The following CORIN variants were observed in gnomAD, a reference collection of about 807,000 sequenced individuals.
The protein encoded by CORIN is corin, serine peptidase, also known as atrial natriuretic peptide-converting enzyme.
In CORIN, 117 loss-of-function variants were observed where a neutral mutation model predicts 125.3. That is an observed-to-expected ratio of 0.93 (90% CI 0.80 to 1.09). CORIN has a LOEUF of 1.09. CORIN is among the 50% of genes least tolerant of loss of function. CORIN has a pLI of 0.00. For missense variants in CORIN, 1,253 were observed against 1,306.7 expected (o/e 0.96, Z 0.63); for synonymous variants, 450 against 466.4 (o/e 0.96, Z 0.45).
At chr4:47,715,593 T>C (rs1278926654) in intron 5 of CORIN, among the ~76,000 whole-genome samples, 3 of 151,678 alleles carry the variant, frequency 2.0e-5, no homozygotes, top group African/African-American at 4.8e-5. Context: ...AGCAAGACTC[T>C]GTCTCCAAAA....
intron 5 of CORIN, among the ~76,000 whole-genome samples, chr4:47,711,111 A>C (rs1467188627): frequency 6.6e-6 from 1 of 152,176 alleles, no homozygotes; most frequent in Non-Finnish European, 1.5e-5. Context: ...TCCCACTGGC[A>C]GGGGTCTCAG....
intron 10 of CORIN, 59 bp downstream of exon 10, chr4:47,674,334 G>GA: frequency 8.5e-7 from 1 of 1,181,416 alleles, no homozygotes. Flanking sequence ...CAATGCAGAA[G>GA]AAAAATGCTG....
intron 1 of CORIN, among the ~76,000 whole-genome samples, chr4:47,819,249 A>C (rs570984471): frequency 1.3e-5 from 2 of 152,166 alleles, no homozygotes; most frequent in Non-Finnish European, 2.9e-5. Context: ...TGAACATGAA[A>C]GCATTCAGCA....
rs576458225 is a variant in CORIN at position 47,827,404 on chromosome 4, T to C, written c.63+10483A>G. Among the ~76,000 whole-genome samples the C allele has an allele frequency of 2.2e-4, 33 of 152,306 alleles. No homozygotes were observed. The South Asian group carries it at 6.6e-3, about 31-fold the overall frequency. On this transcript the variant is annotated intron_variant, in intron 1 of 21. Transcript: ENST00000273857. ...TTTCATTAAGTCCTCATTACAGCCTTGTAAGAGATGTATTATTCCAACTTT... is the reference window on the plus strand; with the variant it reads ...TTTCATTAAGTCCTCATTACAGCCTCGTAAGAGATGTATTATTCCAACTTT...
intron 10 of CORIN, among the ~76,000 whole-genome samples, chr4:47,671,601 T>C (rs1016511387): frequency 2.0e-5 from 3 of 152,214 alleles, no homozygotes; most frequent in African/African-American, 7.2e-5. Flanking sequence ...TATTTTTTTA[T>C]TGAGACGGAA....
chr4:47,605,791 T>C (rs1721625398), intron 19 of CORIN, among the ~76,000 whole-genome samples: 1 of 152,116 alleles, frequency 6.6e-6, no homozygotes. Flanking sequence ...CTAGGGAATC[T>C]TAGGCAAAAC....
Position 47,623,096 on chromosome 4 carries a change from C to CTCTCTCTCTCTATA in CORIN, c.2540+474_2540+475insTATAGAGAGAGAGA, listed in dbSNP as rs771867590. Among the ~76,000 whole-genome samples the CTCTCTCTCTCTATA allele has an allele frequency of 6.1e-3, 627 of 102,176 alleles. 5 individuals carry two copies. The highest frequency in any genetic ancestry group is 0.034 in the East Asian group (85 of 2,502). The allele number at this position is 102,176 out of a possible 152,430, so 67.0% of individuals were successfully genotyped here. On this transcript the variant is annotated intron_variant, in intron 19 of 21. Transcript: ENST00000273857. ...TCTCTCTCTCTCTCTCTCTCTCTCT[C>CTCTCTCTCTCTATA]TATATATATATATATATATATACAC...
intron 1 of CORIN, among the ~76,000 whole-genome samples, chr4:47,825,467 G>A (rs1170659956): frequency 6.6e-6 from 1 of 152,112 alleles, no homozygotes; most frequent in Non-Finnish European, 1.5e-5. Context: ...GATCCATGTT[G>A]GATCAGACCC....
At chr4:47,680,085 G>T in intron 8 of CORIN, 56 bp downstream of exon 8, 1 of 1,124,698 alleles carries the variant, frequency 8.9e-7, no homozygotes, top group East Asian at 2.4e-5. Context: ...CTTGAGTACA[G>T]CCTAAAGAAC....
In CORIN at chr4:47,632,942, G is replaced by A. The variant is rs1365863929; in HGVS notation, c.2199-6421C>T. ...ACTACAGGCTCATGCGACCACGCCC[G>A]GCTAATTTTTGTACTTTTTGGTGGA... On this transcript the variant is annotated intron_variant, in intron 16 of 21. Coordinates refer to ENST00000273857, the MANE Select transcript of CORIN (RefSeq NM_006587.4). Among the ~76,000 whole-genome samples, 3 of 152,040 alleles carry A rather than the reference G, an allele frequency of 2.0e-5. 1 individual carries two copies. Among genetic ancestry groups the A allele is most frequent in the South Asian group, 4.1e-4 (2 of 4,824 alleles).
Position 47,780,169 on chromosome 4 carries a change from T to TA in CORIN, c.409+6555dup, listed in dbSNP as rs946937211. On this transcript the variant is annotated intron_variant, in intron 3 of 21. Coordinates refer to ENST00000273857, the MANE Select transcript of CORIN (RefSeq NM_006587.4). ...ATTCTTGGATGGGAAAGATATTTTG[T>TA]AAAAAAAAAAAAGTAATAAAAACAA... 1.8e-3 allele frequency among the ~76,000 whole-genome samples: 254 copies of TA among 144,008 alleles called. 1 individual carries two copies. The highest frequency in any genetic ancestry group is 3.6e-3 in the Middle Eastern group (1 of 276). The allele number at this position is 144,008 out of a possible 152,430, so 94.5% of individuals were successfully genotyped here. A position where few individuals can be genotyped will look rare whatever the true frequency, so the allele number is the denominator to read the frequency against.
chr4:47,709,482 G>A (rs989406387), intron 5 of CORIN, among the ~76,000 whole-genome samples: 4 of 151,906 alleles, frequency 2.6e-5, no homozygotes, highest in South Asian at 2.1e-4. Flanking sequence ...TTGTAAAAAC[G>A]GGTTTTGCCA....
chr4:47,700,339 C>A (rs1726228946), intron 5 of CORIN, among the ~76,000 whole-genome samples: 1 of 152,140 alleles, frequency 6.6e-6, no homozygotes, highest in South Asian at 2.1e-4. Context: ...CCTGGACCCA[C>A]AAATGAGCTC....
intron 5 of CORIN, among the ~76,000 whole-genome samples, chr4:47,736,323 T>C (rs1168562021): frequency 6.6e-6 from 1 of 152,102 alleles, no homozygotes; most frequent in Non-Finnish European, 1.5e-5. Context: ...GGCCATGAGG[T>C]AGTAACTTGC....
chr4:47,732,082 A>T (rs1376213062), intron 5 of CORIN, among the ~76,000 whole-genome samples: 1 of 152,202 alleles, frequency 6.6e-6, no homozygotes, highest in Non-Finnish European at 1.5e-5. Context: ...AAGAATCATC[A>T]GTGCATATGT....
At chr4:47,785,506 C>T (rs1730751322) in intron 3 of CORIN, among the ~76,000 whole-genome samples, 1 of 149,808 alleles carries the variant, frequency 6.7e-6, no homozygotes, top group African/African-American at 2.4e-5. Flanking sequence ...TGCCATTTTT[C>T]TCAAGGTGTG....
chr4:47,666,405 A>C (rs1724482836), intron 10 of CORIN, among the ~76,000 whole-genome samples: 1 of 152,206 alleles, frequency 6.6e-6, no homozygotes, highest in Non-Finnish European at 1.5e-5. Context: ...AGGCAATGTA[A>C]ATGTAAGAGT....
At chr4:47,730,068 T>A (rs1365791803) in intron 5 of CORIN, among the ~76,000 whole-genome samples, 7 of 152,154 alleles carry the variant, frequency 4.6e-5, no homozygotes. Context: ...CAGTACACAC[T>A]GGGCAAGAAC....
At chr4:47,797,038 C>T (rs1731317941) in intron 2 of CORIN, among the ~76,000 whole-genome samples, 1 of 151,936 alleles carries the variant, frequency 6.6e-6, no homozygotes, top group Non-Finnish European at 1.5e-5. Context: ...GCTTTATTCA[C>T]TGCTGTCCCC....
Sources: allele counts gnomAD v4.1 joint callset (sites outside exome capture counted in the v4.1 genomes callset), GRCh38; gene constraint gnomAD v4.1.1; transcripts MANE v1.5; gene names NCBI Gene and HGNC (gene_info 2026-07-23, HGNC 2026-07-21).